Variants in MBTD1 observed in about 807,000 individuals in gnomAD.
The protein encoded by MBTD1 is mbt domain containing 1.
In MBTD1, 24 loss-of-function variants were observed where a neutral mutation model predicts 87.8. The ratio of observed to expected loss-of-function variants is 0.27; its 90% CI spans 0.20 to 0.38. MBTD1 has a LOEUF of 0.38. MBTD1 is among the 10% of genes least tolerant of loss of function. The pLI is 1.00. For missense variants in MBTD1, 436 were observed against 760.2 expected, an observed-to-expected ratio of 0.57 and a Z score of 5.02; for synonymous variants, 237 against 248.6, an observed-to-expected ratio of 0.95 and a Z score of 0.44.
At chr17:51,205,905 G>C (rs1170357483) in intron 7 of MBTD1, among the ~76,000 whole-genome samples, 2 of 152,192 alleles carry the variant, frequency 1.3e-5, no homozygotes, top group Non-Finnish European at 2.9e-5. Context: ...AATAAAACTA[G>C]AGAGAGTGGG....
chr17:51,193,735 T>G (rs1356609893), intron 13 of MBTD1, among the ~76,000 whole-genome samples: 1 of 152,162 alleles, frequency 6.6e-6, no homozygotes, highest in Non-Finnish European at 1.5e-5. Flanking sequence ...CCTCCTGCCT[T>G]AGCCTCTCTA....
chr17:51,228,471 G>A (rs1265016430), intron 2 of MBTD1, among the ~76,000 whole-genome samples: 1 of 140,212 alleles, frequency 7.1e-6, no homozygotes, highest in Non-Finnish European at 1.5e-5. Context: ...CCTCCAAGAT[G>A]TTGCCTCATT....
In MBTD1 at chr17:51,181,532, G is replaced by A. The variant is rs1202557860; in HGVS notation, c.1769-838C>T. 2.6e-5 allele frequency among the ~76,000 whole-genome samples: 4 copies of A among 152,168 alleles called. No individual in the cohort carries two copies. In the East Asian group the frequency reaches 7.7e-4, roughly 29 times the overall value. ...AAAAAAGCTGGGTATGGCTGTGCAA[G>A]CCTGTAGTCCCAGCTACTCATGACT... On this transcript the variant is annotated intron_variant, in intron 16 of 16. Transcript: ENST00000586178.
intron 2 of MBTD1, among the ~76,000 whole-genome samples, chr17:51,249,369 C>T (rs1217697717): frequency 6.6e-6 from 1 of 151,982 alleles, no homozygotes. Flanking sequence ...TGTCAAAGTC[C>T]CCTAATTTTA....
rs1245763638 is a variant in MBTD1 at position 51,207,352 on chromosome 17, A to C, written c.487-347T>G. Among the ~76,000 whole-genome samples, 3 of 152,338 alleles carry C rather than the reference A, an allele frequency of 2.0e-5. No individual in the cohort carries two copies. In the Middle Eastern group the frequency reaches 0.01, roughly 518 times the overall value. ...TTTTTAATATGTACTGAGTGAATAC[A>C]CTTCACCCTAATTTCTACTTTTAAA... On this transcript the variant is annotated intron_variant, in intron 6 of 16. Transcript: ENST00000586178.
chr17:51,217,449 T>C, intron 5 of MBTD1, 33 bp from the exon 6 acceptor site: 2 of 1,016,410 alleles, frequency 2.0e-6, no homozygotes, highest in Non-Finnish European at 2.9e-6. Context: ...GTATTATAAT[T>C]CTCAAATCTT....
chr17:51,250,265 A>G (rs2054699570), intron 2 of MBTD1: 1 of 152,096 alleles, frequency 6.6e-6, no homozygotes, highest in Non-Finnish European at 1.5e-5. Context: ...CTGCTTTGTC[A>G]GAATGTATAA....
intron 16 of MBTD1, among the ~76,000 whole-genome samples, chr17:51,188,517 C>A (rs528046401): frequency 1.3e-5 from 2 of 152,080 alleles, no homozygotes; most frequent in African/African-American, 4.8e-5. Context: ...CCAAGGCAAA[C>A]GTAAAAACAA....
intron 6 of MBTD1, among the ~76,000 whole-genome samples, chr17:51,215,643 T>C (rs1421163483): frequency 2.0e-5 from 3 of 152,216 alleles, no homozygotes; most frequent in African/African-American, 7.2e-5. Flanking sequence ...TTAAAGCTGC[T>C]ATTGCTGTGT....
At position 51,180,585 on chromosome 17, in the gene MBTD1, T is replaced by C. The variant is rs3803887; in HGVS notation, c.1878A>G (p.Gln626=). 13,458 of 1,542,734 alleles carry C rather than the reference T, an allele frequency of 8.7e-3. 227 individuals carry two copies. Among genetic ancestry groups the C allele is most frequent in the African/African-American group, 0.06 (4,336 of 72,766 alleles). The part of the protein sequence containing the change: ...SNGSANFYIK[Q]EP ...CAGTTTCTAAGCCACCTCATGGCTC[T>C]TGTTTGATGTAGAAGTTGGCAGAGC... is the stretch of plus-strand genomic sequence containing the variant. Residue 626 remains glutamine, a synonymous_variant, in exon 17 of 17, where the codon CAA becomes CAG. Coordinates refer to ENST00000586178, the MANE Select transcript of MBTD1 (RefSeq NM_017643.3).
At chr17:51,253,402 A>T (rs1280714063) in intron 2 of MBTD1, among the ~76,000 whole-genome samples, 2 of 152,222 alleles carry the variant, frequency 1.3e-5, no homozygotes, top group Non-Finnish European at 2.9e-5. Context: ...AATAATAATG[A>T]AAAACTGGAG....
intron 2 of MBTD1, among the ~76,000 whole-genome samples, chr17:51,228,925 G>A (rs2053400488): frequency 6.6e-6 from 1 of 151,402 alleles, no homozygotes; most frequent in Admixed American, 6.6e-5. Context: ...AAAAGGGAAA[G>A]GTATCTCAAA....
chr17:51,252,122 T>C (rs1329659241), intron 2 of MBTD1, among the ~76,000 whole-genome samples: 2 of 152,204 alleles, frequency 1.3e-5, no homozygotes, highest in African/African-American at 4.8e-5. Flanking sequence ...ATTTGTAATA[T>C]GCTTAGTATG....
intron 2 of MBTD1, among the ~76,000 whole-genome samples, chr17:51,239,191 C>G (rs1448783975): frequency 2.0e-5 from 3 of 151,542 alleles, no homozygotes; most frequent in Admixed American, 1.3e-4. Flanking sequence ...TTTTTTGGAT[C>G]AACTTGAATA....
chr17:51,203,605 C>T (rs2051624420), intron 8 of MBTD1, among the ~76,000 whole-genome samples, 186 bp downstream of exon 8: 1 of 152,126 alleles, frequency 6.6e-6, no homozygotes, highest in African/African-American at 2.4e-5. Context: ...CCATGTTGGT[C>T]AGGCTGGTCT....
At chr17:51,256,611 C>T (rs1479033870) in intron 2 of MBTD1, 1 of 152,146 alleles carries the variant, frequency 6.6e-6, no homozygotes, top group East Asian at 1.9e-4. Context: ...GTGTGTATGT[C>T]CAGTATGCCA....
chr17:51,203,074 T>A, intron 9 of MBTD1, 66 bp downstream of exon 9: 1 of 1,369,772 alleles, frequency 7.3e-7, no homozygotes, highest in Non-Finnish European at 1.0e-6. Flanking sequence ...ACCAATTCCT[T>A]AAAAATGTTC....
chr17:51,222,568 C>T (rs1423228922), intron 3 of MBTD1, among the ~76,000 whole-genome samples: 2 of 151,470 alleles, frequency 1.3e-5, no homozygotes, highest in Non-Finnish European at 2.9e-5. Flanking sequence ...CCATGCCTGG[C>T]TAATTTTTTG....
At chr17:51,259,700 C>T in intron 1 of MBTD1, 135 bp downstream of exon 1, 1 of 791,960 alleles carries the variant, frequency 1.3e-6, no homozygotes, top group East Asian at 3.4e-5. Context: ...AGGGGGGCTC[C>T]GGAGGTTGAG....
Sources: gnomAD v4.1 joint callset for allele counts (sites outside exome capture counted in the v4.1 genomes callset) on GRCh38, gnomAD v4.1.1 for gene constraint, MANE v1.5 for transcripts, NCBI Gene and HGNC (gene_info 2026-07-23, HGNC 2026-07-21) for gene names.